LAMA5: variants seen among roughly 807,000 people sequenced by gnomAD.
The protein encoded by LAMA5 is laminin subunit alpha-5.
In LAMA5, 260 loss-of-function variants were observed where a neutral mutation model predicts 433.4. The observed-to-expected ratio is 0.60, with a 90% CI of 0.54 to 0.66. The LOEUF (loss-of-function observed/expected upper bound fraction) is 0.66, where lower values mean the gene tolerates loss of function less well. LAMA5 is among the 30% of genes least tolerant of loss of function. The pLI is 0.00. For synonymous variants in LAMA5, 2,620 were observed against 2,226.6 expected, an observed-to-expected ratio of 1.18 and a Z score of -4.97; for missense variants, 5,378 against 5,258.5, an observed-to-expected ratio of 1.02 and a Z score of -0.70.
chr20:62,341,653 T>C (rs1217756353), intron 11 of LAMA5, among the ~76,000 whole-genome samples: 2 of 152,088 alleles, frequency 1.3e-5, no homozygotes, highest in African/African-American at 4.8e-5. Flanking sequence ...CAAGAAGCTA[T>C]TTTAAAAAAG....
intron 48 of LAMA5, among the ~76,000 whole-genome samples, chr20:62,321,616 G>T (rs1415773307): frequency 8.5e-6 from 1 of 117,094 alleles, no homozygotes; most frequent in Non-Finnish European, 1.8e-5. Flanking sequence ...TCAGTGAAGG[G>T]GTGGGGCCAG....
In LAMA5 at chr20:62,313,157, G is replaced by A. The variant is rs1986512455; in HGVS notation, c.8886C>T (p.Thr2962=). The A allele has an allele frequency of 1.2e-6, 2 of 1,602,890 alleles. No individual in the cohort carries two copies. Among genetic ancestry groups the A allele is most frequent in the Non-Finnish European group, 1.7e-6 (2 of 1,177,548 alleles). ...ARISFDSQIS[T]TKRFEQELRL... ...GCAGCTCCTGCTCGAAGCGCTTGGT[G>A]GTGCTGATCTGACTGTCGAAGCTGA... The change falls in exon 65 of 80, where the codon ACC becomes ACT. Residue 2962 remains threonine (T), a synonymous_variant. Transcript: ENST00000252999.
At chr20:62,353,885 G>A (rs1286075491) in intron 2 of LAMA5, among the ~76,000 whole-genome samples, 1 of 152,156 alleles carries the variant, frequency 6.6e-6, no homozygotes, top group Non-Finnish European at 1.5e-5. Flanking sequence ...CAGGGAGCAA[G>A]CGGGGCTCAG....
Position 62,318,657 on chromosome 20 carries a change from G to A in LAMA5, c.7043-7C>T, listed in dbSNP as rs767651519. 2.7e-5 allele frequency: 43 copies of A among 1,608,788 alleles called. No homozygotes were observed. Among genetic ancestry groups the A allele is most frequent in the Middle Eastern group, 1.7e-4 (1 of 6,042 alleles). On this transcript the variant is annotated splice_region_variant and splice_polypyrimidine_tract_variant and intron_variant, in intron 52 of 79. Transcript: ENST00000252999. ...TCCTGCACCCGGGCCAGCACTAGCC[G>A]AGACCAGGGTGAGGGTGGTCACTCT...
At position 62,327,214 on chromosome 20, in the gene LAMA5, G is replaced by C; in HGVS notation, c.5112+19C>G. On this transcript the variant is annotated intron_variant, in intron 38 of 79. Coordinates refer to ENST00000252999, the MANE Select transcript of LAMA5 (RefSeq NM_005560.6). Reference sequence around the variant, plus strand: ...GGCCATCCTCAAAGTGCCTCCCCCAGACCTGATGCCCTGCTTACCCGGTCC... The same window carrying C: ...GGCCATCCTCAAAGTGCCTCCCCCACACCTGATGCCCTGCTTACCCGGTCC... 1 of 1,488,712 alleles carries C rather than the reference G, an allele frequency of 6.7e-7. No homozygotes were observed. The highest frequency in any genetic ancestry group is 8.9e-7 in the Non-Finnish European group (1 of 1,122,424). 92.2% of individuals were successfully genotyped at this position (1,488,712 alleles called of 1,614,324 possible).
chr20:62,322,501 C>T (rs1466978139), intron 46 of LAMA5, 52 bp from the exon 47 acceptor site: 2 of 1,531,330 alleles, frequency 1.3e-6, no homozygotes, highest in South Asian at 1.2e-5. Context: ...CTGTCCCAGA[C>T]CAACCTGGAA....
chr20:62,321,478 T>C (rs1354771315), intron 48 of LAMA5, among the ~76,000 whole-genome samples: 3 of 668 alleles, frequency 4.5e-3, no homozygotes, highest in South Asian at 0.083. Context: ...GTGGGGTCAG[T>C]GGAGGGGTGG....
chr20:62,356,737 C>T (rs541747358), intron 2 of LAMA5, among the ~76,000 whole-genome samples: 86 of 152,306 alleles, frequency 5.6e-4, no homozygotes, highest in African/African-American at 1.9e-3. Flanking sequence ...GGCCCTGGAG[C>T]GGACACTTCC....
rs770004801 is a variant in LAMA5 at position 62,333,475 on chromosome 20, C to T, written c.3028G>A (p.Val1010Met). 30 of 1,611,724 alleles carry T rather than the reference C, an allele frequency of 1.9e-5. No individual in the cohort carries two copies. Among genetic ancestry groups the T allele is most frequent in the Admixed American group, 1.0e-4 (6 of 59,894 alleles). ...VEAEGVLLDY[V>M]VLLPSAYYEA... is the part of the protein sequence containing the mutation. ...TAGTATGCGCTAGGCAGCAGAACCA[C>T]GTAGTCCTGCAGGGTGGAGGTGGTG... The change falls in exon 25 of 80, where the codon GTG becomes ATG. Residue 1010 changes from valine (V) to methionine (M), a missense_variant. Physicochemically the swap from Val to Met is conservative, Grantham distance 21. Transcript: ENST00000252999.
Position 62,335,003 on chromosome 20 carries a change from G to A in LAMA5, c.2482+18C>T, listed in dbSNP as rs115525115. The A allele has an allele frequency of 2.4e-4, 379 of 1,603,578 alleles. 1 individual carries two copies. Among genetic ancestry groups the A allele is most frequent in the Non-Finnish European group, 2.9e-4 (340 of 1,171,510 alleles). On this transcript the variant is annotated intron_variant, in intron 20 of 79. Coordinates refer to ENST00000252999, the MANE Select transcript of LAMA5 (RefSeq NM_005560.6). Reference sequence around the variant, plus strand: ...GGGAGGCAGGGCTGTGGTCTGGGACGAGCGAGTGGGCACTCACTGCGGCAG... The same window carrying A: ...GGGAGGCAGGGCTGTGGTCTGGGACAAGCGAGTGGGCACTCACTGCGGCAG...
intron 1 of LAMA5, among the ~76,000 whole-genome samples, 196 bp downstream of exon 1, chr20:62,366,753 C>CTTCCCGGAGGGACGCGAAGT (rs1178560895): frequency 3.3e-5 from 5 of 152,250 alleles, no homozygotes; most frequent in African/African-American, 1.2e-4. Flanking sequence ...TTAATTCCGC[C>CTTCCCGGAGGGACGCGAAGT]TTCCCGGAGG....
At chr20:62,326,509 A>C in intron 40 of LAMA5, 168 bp downstream of exon 40, 15 of 597,106 alleles carry the variant, frequency 2.5e-5, no homozygotes, top group Non-Finnish European at 3.0e-5. Context: ...CCAGCACAGA[A>C]GATATCTGAC....
chr20:62,317,618 T>C, intron 54 of LAMA5, 44 bp downstream of exon 54: 1 of 1,518,182 alleles, frequency 6.6e-7, no homozygotes, highest in Non-Finnish European at 8.9e-7. Flanking sequence ...GGGAGGGAGT[T>C]GGCCGTGGAT....
At chr20:62,336,243 T>A (rs549257581) in intron 18 of LAMA5, 97 bp downstream of exon 18, 136 of 845,900 alleles carry the variant, frequency 1.6e-4, no homozygotes, top group Admixed American at 9.6e-4. Context: ...CTCCAGCCCC[T>A]CCAGGAACCC....
In LAMA5 at chr20:62,367,294, G is replaced by GCGGGAGCCCGGCGGGTCTGAAGC. The variant is rs1986848689; in HGVS notation, c.-50_-49insGCTTCAGACCCGCCGGGCTCCCG. Reference sequence around the variant, plus strand: ...CCGAGCTCCAGGGACAGCGCGCGCGGCGGGAGCCCGGCGGGTCTGAAGCCA... The same window carrying GCGGGAGCCCGGCGGGTCTGAAGC: ...CCGAGCTCCAGGGACAGCGCGCGCGGCGGGAGCCCGGCGGGTCTGAAGCCGGGAGCCCGGCGGGTCTGAAGCCA... On this transcript the variant is annotated 5_prime_UTR_variant, in exon 1 of 80. Transcript: ENST00000252999. 3.5e-6 allele frequency: 4 copies of GCGGGAGCCCGGCGGGTCTGAAGC among 1,128,216 alleles called. No homozygotes were observed. The African/African-American group carries it at 6.6e-5, about 19-fold the overall frequency. 69.9% of individuals were successfully genotyped at this position (1,128,216 alleles called of 1,614,324 possible).
chr20:62,359,523 G>A lies in LAMA5; in HGVS notation c.450+2877C>T, dbSNP rs1468290594. ...CTGGGTGTGGTTCTCGGAAGAAGGA[G>A]CCTGAGGCCAGTGATGTGGCCGCTC... On this transcript the variant is annotated intron_variant, in intron 2 of 79. Transcript: ENST00000252999. The surrounding 1 kb of genome is among the most constrained non-coding windows in gnomAD (Gnocchi z 4.3). 6.6e-6 allele frequency among the ~76,000 whole-genome samples: 1 copy of A among 152,116 alleles called. No homozygotes were observed. The highest frequency in any genetic ancestry group is 1.5e-5 in the Non-Finnish European group (1 of 67,988).
intron 38 of LAMA5, 76 bp from the exon 39 acceptor site, chr20:62,327,042 C>A: frequency 8.4e-7 from 1 of 1,195,842 alleles, no homozygotes; most frequent in Non-Finnish European, 1.2e-6. Context: ...GTGGTCTGGG[C>A]ACCCCCAGCA....
rs766271631 is a variant in LAMA5, at chr20:62,322,422, C to T, written c.6193G>A (p.Gly2065Arg). ...QEGHFGFDGC[G>R]GCRPCACGPA... ...CCACAAGCACACGGGCGGCAGCCCC[C>T]GCAGCCATCGAAACCAAAATGTCCC... The change falls in exon 47 of 80, where the codon GGG (glycine) becomes AGG (arginine). Residue 2065 changes from glycine (G) to arginine (R), a missense_variant. Coordinates refer to ENST00000252999, the MANE Select transcript of LAMA5 (RefSeq NM_005560.6). 16 of 1,592,558 alleles carry T rather than the reference C, an allele frequency of 1.0e-5. No homozygotes were observed. The highest frequency in any genetic ancestry group is 1.3e-5 in the Non-Finnish European group (15 of 1,170,432).
rs1601297115 is a variant in LAMA5, at chr20:62,317,503, G to T, written c.7357-4C>A. ...TGGCGGCGAGGCGCTCCAGCTCCTG[G>T]AATTTGAGTGGACTTAGCCCCTCAT... On this transcript the variant is annotated splice_polypyrimidine_tract_variant and splice_region_variant and intron_variant, in intron 54 of 79. Transcript: ENST00000252999. The T allele has an allele frequency of 6.5e-7, 1 of 1,538,214 alleles. No individual in the cohort carries two copies. Among genetic ancestry groups the T allele is most frequent in the Non-Finnish European group, 8.8e-7 (1 of 1,139,592 alleles).
Sources: gnomAD v4.1 joint callset for allele counts (sites outside exome capture counted in the v4.1 genomes callset) on GRCh38, gnomAD v4.1.1 for gene constraint, Gnocchi (gnomAD v3.1) non-coding constraint, MANE v1.5 for transcripts, NCBI Gene and HGNC (gene_info 2026-07-23, HGNC 2026-07-21) for gene names.